MTFR1: variants seen among roughly 807,000 people sequenced by gnomAD.
MTFR1 encodes chondrocyte protein with a poly-proline region.
Under a neutral mutation model 38.8 loss-of-function variants are expected in MTFR1, and 28 were observed. The observed-to-expected ratio is 0.72, with a 90% CI of 0.53 to 0.99. MTFR1 has a LOEUF of 0.99. Among genes scored for constraint, MTFR1 ranks in the 50% least tolerant of loss-of-function variants. The pLI, the probability that MTFR1 is intolerant of heterozygous loss-of-function variation, is 0.00. For synonymous variants in MTFR1, 145 were observed against 137.0 expected, an observed-to-expected ratio of 1.06 and a Z score of -0.41; for missense variants, 358 against 395.5, an observed-to-expected ratio of 0.91 and a Z score of 0.81.
intron 3 of MTFR1, among the ~76,000 whole-genome samples, chr8:65,764,166 T>C (rs1270059288): frequency 1.3e-5 from 2 of 152,224 alleles, no homozygotes; most frequent in African/African-American, 4.8e-5. Flanking sequence ...GATAGGAGCA[T>C]GGGTGATAGA....
rs1374220672 is a variant in MTFR1, at chr8:65,709,325, T to G, written c.*281T>G. ...AGTTTTGAAAACAATTGTATAGATTTCACAACACAAAAAGGACATTTGTGG... is the reference window on the plus strand; with the variant it reads ...AGTTTTGAAAACAATTGTATAGATTGCACAACACAAAAAGGACATTTGTGG... On this transcript the variant is annotated 3_prime_UTR_variant, in exon 8 of 8. Transcript: ENST00000262146. 1.2e-5 allele frequency: 4 copies of G among 328,538 alleles called. No individual in the cohort carries two copies. The East Asian group carries it at 1.5e-4, about 12-fold the overall frequency. 20.4% of individuals were successfully genotyped at this position (328,538 alleles called of 1,614,324 possible). A position where few individuals can be genotyped will look rare whatever the true frequency, so the allele number is the denominator to read the frequency against.
At chr8:65,659,885 C>G (rs1809364511) in intron 1 of MTFR1, among the ~76,000 whole-genome samples, 1 of 152,160 alleles carries the variant, frequency 6.6e-6, no homozygotes. Flanking sequence ...TGATTTAACT[C>G]ATTTCATCTG....
chr8:65,704,617 A>T (rs925084900), intron 4 of MTFR1, 77 bp from the exon 5 acceptor site: 1 of 1,192,422 alleles, frequency 8.4e-7, no homozygotes, highest in African/African-American at 1.5e-5. Flanking sequence ...GTTAATGCGG[A>T]TACACTGTCA....
intron 4 of MTFR1, among the ~76,000 whole-genome samples, chr8:65,698,201 T>A (rs897021414): frequency 6.7e-6 from 1 of 149,790 alleles, no homozygotes; most frequent in Non-Finnish European, 1.5e-5. Flanking sequence ...CGGGCTGGAG[T>A]GCAGTGGCAT....
At chr8:65,757,313 G>T (rs1228263781) in intron 3 of MTFR1, among the ~76,000 whole-genome samples, 1 of 152,226 alleles carries the variant, frequency 6.6e-6, no homozygotes, top group African/African-American at 2.4e-5. Flanking sequence ...GGCTATGGAA[G>T]TTACAAGCCA....
chr8:65,719,990 G>C (rs1806307600), intron 3 of MTFR1, among the ~76,000 whole-genome samples: 1 of 152,064 alleles, frequency 6.6e-6, no homozygotes, highest in African/African-American at 2.4e-5. Context: ...GACTACAATT[G>C]GTCATTTTAT....
chr8:65,767,875 T>C (rs900160718), intron 3 of MTFR1, among the ~76,000 whole-genome samples: 1 of 152,138 alleles, frequency 6.6e-6, no homozygotes, highest in African/African-American at 2.4e-5. Flanking sequence ...AGCAAATTAA[T>C]CCAACCCAAA....
intron 1 of MTFR1, among the ~76,000 whole-genome samples, chr8:65,662,007 C>T (rs1809429046): frequency 6.7e-6 from 1 of 148,522 alleles, no homozygotes; most frequent in Non-Finnish European, 1.5e-5. Flanking sequence ...CTCTCCCTCT[C>T]CCTCTCTCTC....
chr8:65,690,096 G>T (rs1805227692), intron 3 of MTFR1, among the ~76,000 whole-genome samples: 1 of 151,672 alleles, frequency 6.6e-6, no homozygotes, highest in South Asian at 2.1e-4. Flanking sequence ...GCAAAAGCTG[G>T]CATTTTATGT....
chr8:65,645,430 A>C (rs754865144), intron 1 of MTFR1, among the ~76,000 whole-genome samples: 1 of 152,258 alleles, frequency 6.6e-6, no homozygotes, highest in African/African-American at 2.4e-5. Flanking sequence ...GGAAATCTTC[A>C]AACTGTGGAG....
intron 1 of MTFR1, among the ~76,000 whole-genome samples, chr8:65,658,659 C>T (rs922877678): frequency 1.3e-5 from 2 of 152,044 alleles, no homozygotes; most frequent in Non-Finnish European, 2.9e-5. Flanking sequence ...CATAAGGAAC[C>T]TAGAAAACAA....
intron 7 of MTFR1, among the ~76,000 whole-genome samples, chr8:65,708,594 G>A (rs541437953): frequency 2.6e-5 from 4 of 152,230 alleles, no homozygotes; most frequent in South Asian, 2.1e-4. Flanking sequence ...GTCCTGGGGC[G>A]TGTGTGTGCT....
Position 65,655,951 on chromosome 8 carries a change from A to AAT in MTFR1, c.-81+11183_-81+11184dup, listed in dbSNP as rs1554545338. On this transcript the variant is annotated intron_variant, in intron 1 of 7. Coordinates refer to ENST00000262146, the MANE Select transcript of MTFR1 (RefSeq NM_014637.4). ...AGCAAGACTCTGTCTTAAAAAAAAAAATATATATATATATATACCATATAT... is the reference window on the plus strand; with the variant it reads ...AGCAAGACTCTGTCTTAAAAAAAAAAATATATATATATATATATACCATATAT... Among the ~76,000 whole-genome samples, 282 of 55,208 alleles carry AAT rather than the reference A, an allele frequency of 5.1e-3. 8 individuals are homozygous for AAT. The highest frequency in any genetic ancestry group is 0.024 in the African/African-American group (179 of 7,340). The allele number at this position is 55,208 out of a possible 152,430, so 36.2% of individuals were successfully genotyped here. A position where few individuals can be genotyped will look rare whatever the true frequency, so the allele number is the denominator to read the frequency against.
chr8:65,725,501 T>C (rs1195423452), intron 3 of MTFR1: 3 of 154,140 alleles, frequency 1.9e-5, no homozygotes, highest in Non-Finnish European at 4.4e-5. Flanking sequence ...CCAACTTTTC[T>C]GAAAGGAAAA....
intron 6 of MTFR1, 115 bp from the exon 7 acceptor site, chr8:65,707,728 T>A (rs1437197640): frequency 8.5e-6 from 11 of 1,301,742 alleles, no homozygotes; most frequent in Non-Finnish European, 1.2e-5. Flanking sequence ...ATCAGGTCTC[T>A]ATGGAGTAGC....
chr8:65,703,550 C>T (rs1374885007), intron 4 of MTFR1, among the ~76,000 whole-genome samples: 1 of 148,370 alleles, frequency 6.7e-6, no homozygotes, highest in African/African-American at 2.5e-5. Context: ...TCTTGTACCT[C>T]AGCCTCCCAA....
chr8:65,760,933 G>A (rs12678193), intron 3 of MTFR1, among the ~76,000 whole-genome samples: 11,166 of 89,366 alleles, frequency 0.12, 1,246 homozygotes, highest in East Asian at 0.48. Flanking sequence ...ACAGGAGAGA[G>A]GATACATGAG....
At chr8:65,733,266 G>T (rs763611054) in intron 3 of MTFR1, among the ~76,000 whole-genome samples, 13 of 152,304 alleles carry the variant, frequency 8.5e-5, no homozygotes, top group Non-Finnish European at 1.3e-4. Flanking sequence ...CCCTGCCCCT[G>T]GCTTGGGTTG....
intron 3 of MTFR1, chr8:65,725,029 T>A: frequency 1.9e-6 from 1 of 537,192 alleles, no homozygotes; most frequent in East Asian, 3.3e-5. Context: ...CCCTAAAATA[T>A]CCAACTATCA....
Sources: gnomAD v4.1 joint callset for allele counts (sites outside exome capture counted in the v4.1 genomes callset) on GRCh38, gnomAD v4.1.1 for gene constraint, MANE v1.5 for transcripts, NCBI Gene and HGNC (gene_info 2026-07-23, HGNC 2026-07-21) for gene names.